STARD13: variants seen among roughly 807,000 people sequenced by gnomAD.
STARD13 encodes the protein StAR related lipid transfer domain containing 13, also known as stAR-related lipid transfer protein 13.
A neutral mutation model predicts 106.4 loss-of-function variants in STARD13; 62 were observed. The observed-to-expected ratio is 0.58, with a 90% CI of 0.48 to 0.72. STARD13 has a LOEUF of 0.72. Ranked by LOEUF, STARD13 falls within the 30% of genes least tolerant of loss-of-function variation. The probability of loss-of-function intolerance (pLI) is 0.00; values close to 1 mark genes in which losing one functional copy is unlikely to be tolerated. For synonymous variants in STARD13, 565 were observed against 553.0 expected (o/e 1.02, Z -0.31); for missense variants, 1,387 against 1,424.0 (o/e 0.97, Z 0.42).
intron 4 of STARD13, among the ~76,000 whole-genome samples, chr13:33,141,575 C>A (rs1047018339): frequency 6.6e-6 from 1 of 152,186 alleles, no homozygotes; most frequent in African/African-American, 2.4e-5. Flanking sequence ...GACAAGTACA[C>A]AGTGGGGAGA....
At chr13:33,418,079 G>A in the STARD13 span, among the ~76,000 whole-genome samples, 1 of 140,966 alleles carries the variant, frequency 7.1e-6, no homozygotes. Context: ...CATCTCATTG[G>A]TACTGGTTGG....
At chr13:33,392,368 T>C in the STARD13 span, among the ~76,000 whole-genome samples, 5 of 152,180 alleles carry the variant, frequency 3.3e-5, no homozygotes, top group Non-Finnish European at 1.5e-5. Context: ...CATATCTTCA[T>C]ATTTGATCCG....
the STARD13 span, among the ~76,000 whole-genome samples, chr13:33,467,222 C>T: frequency 1.3e-5 from 2 of 151,886 alleles, no homozygotes; most frequent in African/African-American, 2.4e-5. Flanking sequence ...GTTTGTTTCC[C>T]TGCAACTAGA....
the STARD13 span, among the ~76,000 whole-genome samples, chr13:33,515,423 C>T: frequency 6.6e-6 from 1 of 152,074 alleles, no homozygotes; most frequent in Non-Finnish European, 1.5e-5. Flanking sequence ...CCTAGAGCCT[C>T]TTGAAATGAA....
intron 3 of STARD13, among the ~76,000 whole-genome samples, chr13:33,148,440 A>G (rs890116375): frequency 6.6e-6 from 1 of 152,228 alleles, no homozygotes; most frequent in African/African-American, 2.4e-5. Flanking sequence ...CAACTCACTA[A>G]AGGAGATGAA....
intron 1 of STARD13, among the ~76,000 whole-genome samples, chr13:33,264,518 G>C (rs527643019): frequency 6.6e-6 from 1 of 152,312 alleles, no homozygotes; most frequent in South Asian, 2.1e-4. Flanking sequence ...CATCAGCAGA[G>C]TCTAGAGGTC....
At position 33,342,589 on chromosome 13, in the gene STARD13, C is replaced by T. The variant is rs530366004; in HGVS notation, c.124+7701G>A. ...TGTGCCACCCAGGCTGAAGGGCAGT[C>T]GCATGATCATAGCTTACTGAATCTT... On this transcript the variant is annotated intron_variant, in intron 1 of 5. Coordinates refer to the STARD13 transcript ENST00000567873. Among the ~76,000 whole-genome samples the T allele has an allele frequency of 7.3e-5, 11 of 150,982 alleles. No individual in the cohort carries two copies. In the East Asian group the frequency reaches 9.7e-4, roughly 13 times the overall value.
the STARD13 span, among the ~76,000 whole-genome samples, chr13:33,536,346 C>A: frequency 6.6e-6 from 1 of 151,942 alleles, no homozygotes; most frequent in Admixed American, 6.6e-5. Context: ...TTTAATTGTT[C>A]CAAACTGCAT....
intron 4 of STARD13, among the ~76,000 whole-genome samples, chr13:33,131,481 C>T (rs1246328334): frequency 6.6e-6 from 1 of 151,566 alleles, no homozygotes; most frequent in Non-Finnish European, 1.5e-5. Flanking sequence ...AGCCTCCACT[C>T]TCAGTTGTTA....
intron 3 of STARD13, among the ~76,000 whole-genome samples, chr13:33,153,852 C>G (rs1031563949): frequency 2.0e-5 from 3 of 152,224 alleles, no homozygotes; most frequent in Non-Finnish European, 4.4e-5. Context: ...ACTTCTCACC[C>G]AGGCTCCTAT....
At chr13:33,529,966 C>A in the STARD13 span, among the ~76,000 whole-genome samples, 2 of 151,980 alleles carry the variant, frequency 1.3e-5, no homozygotes, top group Non-Finnish European at 2.9e-5. Context: ...AATGGGAGCC[C>A]TGTGAAATTT....
chr13:33,484,060 C>T, the STARD13 span, among the ~76,000 whole-genome samples: 1 of 152,078 alleles, frequency 6.6e-6, no homozygotes, highest in African/African-American at 2.4e-5. Flanking sequence ...TTGAAACCAC[C>T]TTTGCAGAAG....
the STARD13 span, among the ~76,000 whole-genome samples, chr13:33,444,784 T>C: frequency 6.6e-6 from 1 of 152,096 alleles, no homozygotes; most frequent in Non-Finnish European, 1.5e-5. Flanking sequence ...ATGATTATAA[T>C]GTAACAGTAA....
Position 33,129,343 on chromosome 13 carries a change from CG to C in STARD13, c.1333del (p.Arg445GlyfsTer55). 1 of 1,614,120 alleles carries C rather than the reference CG, an allele frequency of 6.2e-7. No homozygotes were observed. Among genetic ancestry groups the C allele is most frequent in the Non-Finnish European group, 8.5e-7 (1 of 1,180,012 alleles). ...GGCTCTGTGGCAGGACGCCATGAGC[CG>C]GGGCTCCCTGGCACCAGGGACCTGC... is the stretch of plus-strand genomic sequence containing the variant. ...REQVPGAREPRLMASCHRASR... is the reference protein window; with the variant it reads ...REQVPGAREPXLMASCHRASR... On this transcript the variant is annotated frameshift_variant, in exon 5 of 14. Coordinates refer to ENST00000336934, the MANE Select transcript of STARD13 (RefSeq NM_178006.4). LOFTEE classifies it high-confidence loss of function.
At chr13:33,634,908 C>A in the STARD13 span, among the ~76,000 whole-genome samples, 1 of 152,120 alleles carries the variant, frequency 6.6e-6, no homozygotes, top group Non-Finnish European at 1.5e-5. Flanking sequence ...CTGTCATTTC[C>A]CCAGAATGTC....
At chr13:33,406,921 G>T in the STARD13 span, among the ~76,000 whole-genome samples, 1 of 152,170 alleles carries the variant, frequency 6.6e-6, no homozygotes, top group South Asian at 2.1e-4. Context: ...TGATGTGGGG[G>T]TTACAGATAA....
chr13:33,188,913 A>T (rs1886004704), intron 1 of STARD13, among the ~76,000 whole-genome samples: 1 of 152,192 alleles, frequency 6.6e-6, no homozygotes, highest in Non-Finnish European at 1.5e-5. Context: ...AGACTTTTGT[A>T]ATTATTTTCC....
At position 33,285,508 on chromosome 13, in the gene STARD13, A is replaced by G; in HGVS notation, c.131T>C (p.Ile44Thr). 1 of 1,614,044 alleles carries G rather than the reference A, an allele frequency of 6.2e-7. No individual in the cohort carries two copies. The highest frequency in any genetic ancestry group is 1.1e-5 in the South Asian group (1 of 91,076). Residue 44 changes from isoleucine to threonine, a missense_variant, in exon 1 of 14, where the codon ATT (isoleucine) becomes ACT (threonine). By Grantham distance (89) the Ile-to-Thr change is moderately conservative. Coordinates refer to ENST00000336934, the MANE Select transcript of STARD13 (RefSeq NM_178006.4). ...AGTCACTAGCTGATGGCGTGCTAGAATCCGGCTCATCCTGTAAGGAGAGCG... is the reference window on the plus strand; with the variant it reads ...AGTCACTAGCTGATGGCGTGCTAGAGTCCGGCTCATCCTGTAAGGAGAGCG... Reference protein sequence around the residue: ...TRRSPYRMSRILARHQLVTKI... With the variant: ...TRRSPYRMSRTLARHQLVTKI...
At chr13:33,408,623 G>T in the STARD13 span, among the ~76,000 whole-genome samples, 3 of 152,078 alleles carry the variant, frequency 2.0e-5, no homozygotes, top group African/African-American at 7.2e-5. Context: ...GTGACACAAA[G>T]GTACAACAAT....
Sources: gnomAD v4.1 joint callset for allele counts (sites outside exome capture counted in the v4.1 genomes callset) on GRCh38, gnomAD v4.1.1 for gene constraint, MANE v1.5 for transcripts, NCBI Gene and HGNC (gene_info 2026-07-23, HGNC 2026-07-21) for gene names.